KLF12: variants seen among roughly 807,000 people sequenced by gnomAD.
KLF12 encodes Krueppel-like factor 12.
Under a neutral mutation model 37.8 loss-of-function variants are expected in KLF12, and 9 were observed. That is an observed-to-expected ratio of 0.24 (90% CI 0.14 to 0.42). The LOEUF (loss-of-function observed/expected upper bound fraction) is 0.42, where lower values mean the gene tolerates loss of function less well. Ranked by LOEUF, KLF12 falls within the 10% of genes least tolerant of loss-of-function variation. The pLI is 1.00. For missense variants in KLF12, 411 were observed against 516.0 expected, an observed-to-expected ratio of 0.80 and a Z score of 1.97; for synonymous variants, 208 against 202.1, an observed-to-expected ratio of 1.03 and a Z score of -0.25.
chr13:73,849,263 G>A, intron 3 of KLF12, among the ~76,000 whole-genome samples: 1 of 151,140 alleles, frequency 6.6e-6, no homozygotes, highest in Middle Eastern at 3.4e-3. Context: ...CCTGTAATCC[G>A]AGCTACTCAG....
chr13:73,874,188 T>C (rs2138896335), intron 3 of KLF12, among the ~76,000 whole-genome samples: 1 of 152,362 alleles, frequency 6.6e-6, no homozygotes, highest in South Asian at 2.1e-4. Context: ...AAGGTATTTA[T>C]AGATTGTCTG....
chr13:73,917,939 A>C (rs1341854987), intron 3 of KLF12, among the ~76,000 whole-genome samples: 1 of 152,200 alleles, frequency 6.6e-6, no homozygotes, highest in African/African-American at 2.4e-5. Flanking sequence ...AAATGAAAAA[A>C]AAAAAATTCC....
At chr13:74,134,777 A>G (rs1396568725), upstream of KLF12, among the ~76,000 whole-genome samples, 2 of 151,716 alleles carry the variant, frequency 1.3e-5, no homozygotes, top group African/African-American at 2.4e-5. Context: ...AGCGCGCCAG[A>G]CAGGCTTAGG....
chr13:74,024,881 C>T (rs1286456892), intron 1 of KLF12, among the ~76,000 whole-genome samples: 2 of 152,276 alleles, frequency 1.3e-5, no homozygotes, highest in East Asian at 3.9e-4. Context: ...TCTACAGAAA[C>T]CACCCACCTC....
chr13:74,059,490 T>A (rs1873449620), intron 1 of KLF12, among the ~76,000 whole-genome samples: 2 of 152,214 alleles, frequency 1.3e-5, no homozygotes, highest in Admixed American at 6.5e-5. Context: ...ATTATTATCA[T>A]GTGTAAGATG....
At chr13:73,894,412 T>C (rs1321573000) in intron 3 of KLF12, among the ~76,000 whole-genome samples, 1 of 152,140 alleles carries the variant, frequency 6.6e-6, no homozygotes, top group African/African-American at 2.4e-5. Flanking sequence ...AGTCTCCTAA[T>C]CTCCCACCAA....
chr13:74,052,035 T>C (rs966153977), intron 1 of KLF12, among the ~76,000 whole-genome samples: 15 of 151,974 alleles, frequency 9.9e-5, no homozygotes, highest in African/African-American at 3.4e-4. Flanking sequence ...AAACATAAAA[T>C]GAAACTTAAA....
At chr13:73,789,697 G>C in intron 5 of KLF12, among the ~76,000 whole-genome samples, 1 of 145,954 alleles carries the variant, frequency 6.9e-6, no homozygotes, top group South Asian at 2.2e-4. Flanking sequence ...TTTTCTTTGA[G>C]ACAGAGTCTC....
In KLF12 at chr13:73,833,946, G is replaced by A. The variant is rs114438757; in HGVS notation, c.670+11881C>T. 7.1e-3 allele frequency among the ~76,000 whole-genome samples: 1,076 copies of A among 152,218 alleles called. 10 individuals carry two copies. Among genetic ancestry groups the A allele is most frequent in the African/African-American group, 0.024 (999 of 41,522 alleles). On this transcript the variant is annotated intron_variant, in intron 4 of 7. Transcript: ENST00000377669. The stretch of plus-strand genomic sequence containing the variant: ...TACACTGGCCACACAGCATTCCTAA[G>A]CATCTCACACAAAACACTGTTCCTG...
At chr13:74,192,159 AT>A in the KLF12 span, among the ~76,000 whole-genome samples, 1 of 152,104 alleles carries the variant, frequency 6.6e-6, no homozygotes, top group Non-Finnish European at 1.5e-5. Flanking sequence ...TGCCTTGACT[AT>A]TAACTTAAAA....
chr13:73,798,749 A>G (rs985836587), intron 5 of KLF12, among the ~76,000 whole-genome samples: 9 of 152,198 alleles, frequency 5.9e-5, no homozygotes, highest in Non-Finnish European at 7.3e-5. Flanking sequence ...GCAATCATTA[A>G]AAAGTCAAAA....
the KLF12 span, among the ~76,000 whole-genome samples, chr13:74,242,308 G>T: frequency 6.6e-6 from 1 of 152,204 alleles, no homozygotes; most frequent in African/African-American, 2.4e-5. Flanking sequence ...AAGAAAAAGA[G>T]GTTTAATGGA....
chr13:73,959,119 C>A lies in KLF12; in HGVS notation c.34-15049G>T, dbSNP rs549894904. Among the ~76,000 whole-genome samples, 20 of 12,094 alleles carry A rather than the reference C, an allele frequency of 1.7e-3. 1 individual carries two copies. The East Asian group carries it at 0.089, about 54-fold the overall frequency. The allele number at this position is 12,094 out of a possible 152,430, so 7.9% of individuals were successfully genotyped here. On this transcript the variant is annotated intron_variant, in intron 2 of 7. Transcript: ENST00000377669. ...TCAGCATCTCTGACCTCCACACCCC[C>A]CTTCCAAAAAAAAACGCAGGCAAGA...
At chr13:73,936,865 T>G (rs751392305) in intron 3 of KLF12, among the ~76,000 whole-genome samples, 8 of 152,180 alleles carry the variant, frequency 5.3e-5, no homozygotes, top group Non-Finnish European at 1.2e-4. Context: ...GTTAATCCTT[T>G]GTGGTCAGAA....
chr13:73,868,703 G>A (rs1242886898), intron 3 of KLF12, among the ~76,000 whole-genome samples: 1 of 152,034 alleles, frequency 6.6e-6, no homozygotes, highest in African/African-American at 2.4e-5. Context: ...AAAACAATAA[G>A]ATTGTTATAA....
At chr13:73,849,576 G>C (rs1016110623) in intron 3 of KLF12, among the ~76,000 whole-genome samples, 3 of 152,020 alleles carry the variant, frequency 2.0e-5, no homozygotes, top group East Asian at 3.9e-4. Context: ...TAGAGAAAGC[G>C]AGAGGAGATA....
chr13:73,837,002 T>G (rs1400738886), intron 4 of KLF12, among the ~76,000 whole-genome samples: 1 of 152,224 alleles, frequency 6.6e-6, no homozygotes, highest in Non-Finnish European at 1.5e-5. Context: ...AGCCCATTTT[T>G]TAAACATCTT....
the KLF12 span, among the ~76,000 whole-genome samples, chr13:74,188,743 C>A: frequency 6.6e-6 from 1 of 152,154 alleles, no homozygotes; most frequent in Non-Finnish European, 1.5e-5. Flanking sequence ...CACCTGTAAT[C>A]TCAGCACTTT....
chr13:74,135,305 A>G (rs1878504214), upstream of KLF12, among the ~76,000 whole-genome samples: 1 of 150,620 alleles, frequency 6.6e-6, no homozygotes, highest in Non-Finnish European at 1.5e-5. Flanking sequence ...GGATCTGCAG[A>G]CCCCCGCGGG....
Sources: allele counts gnomAD v4.1 joint callset (sites outside exome capture counted in the v4.1 genomes callset), GRCh38; gene constraint gnomAD v4.1.1; transcripts MANE v1.5; gene names NCBI Gene and HGNC (gene_info 2026-07-23, HGNC 2026-07-21).